Variants in CATSPERB observed in about 807,000 individuals in gnomAD.
The protein encoded by CATSPERB is catsper channel auxiliary subunit beta, also known as cation channel sperm-associated auxiliary subunit beta.
Under a neutral mutation model 128.3 loss-of-function variants are expected in CATSPERB, and 93 were observed. The ratio of observed to expected loss-of-function variants is 0.72; its 90% CI spans 0.61 to 0.86. The LOEUF (loss-of-function observed/expected upper bound fraction) is 0.86. Among genes scored for constraint, CATSPERB ranks in the 40% least tolerant of loss-of-function variants. CATSPERB has a pLI of 0.00. For synonymous variants in CATSPERB, 381 were observed against 448.8 expected (o/e 0.85, Z 1.91); for missense variants, 1,153 against 1,329.5 (o/e 0.87, Z 2.06).
intron 22 of CATSPERB, among the ~76,000 whole-genome samples, chr14:91,596,224 G>C (rs568678789): frequency 6.6e-6 from 1 of 151,080 alleles, no homozygotes; most frequent in East Asian, 1.9e-4. Flanking sequence ...TTTTTTTTGA[G>C]ACAGAGTCTT....
intron 15 of CATSPERB, among the ~76,000 whole-genome samples, chr14:91,647,414 C>A (rs1179070745): frequency 6.6e-6 from 1 of 152,200 alleles, no homozygotes; most frequent in East Asian, 1.9e-4. Flanking sequence ...ATTTGTAAAT[C>A]TCTTCAGGTC....
rs542181523 is a variant in CATSPERB at position 91,625,334 on chromosome 14, G to A, written c.1743-327C>T. Among the ~76,000 whole-genome samples, 13 of 152,146 alleles carry A rather than the reference G, an allele frequency of 8.5e-5. No homozygotes were observed. In the South Asian group the frequency reaches 1.9e-3, roughly 22 times the overall value. ...CAATTTGACATTATGCATTAGGAGC[G>A]TGCTAACCTTTTCCCTGCTCTGATT... On this transcript the variant is annotated intron_variant, in intron 17 of 26. Coordinates refer to ENST00000256343, the MANE Select transcript of CATSPERB (RefSeq NM_024764.4).
rs1251943754 is a variant in CATSPERB, at chr14:91,610,611, G to A, written c.2467C>T (p.Pro823Ser). The change falls in exon 21 of 27, where the codon CCA (proline) becomes TCA (serine). Residue 823 changes from proline to serine, a missense_variant. Coordinates refer to ENST00000256343, the MANE Select transcript of CATSPERB (RefSeq NM_024764.4). ...STECFVTTMV[P>S]TLKSSCSYLR... ...TAACTACAGCTGCTTTTCAGTGTTGGCACCATTGTCGTAACAAAGCACTCA... is the reference window on the plus strand; with the variant it reads ...TAACTACAGCTGCTTTTCAGTGTTGACACCATTGTCGTAACAAAGCACTCA... 4 of 1,614,052 alleles carry A rather than the reference G, an allele frequency of 2.5e-6. No homozygotes were observed.
intron 4 of CATSPERB, among the ~76,000 whole-genome samples, chr14:91,719,983 G>A (rs559842984): frequency 6.6e-6 from 1 of 152,158 alleles, no homozygotes; most frequent in Non-Finnish European, 1.5e-5. Flanking sequence ...AACTAGCAGT[G>A]CAAGCTAAAA....
chr14:91,656,305 A>G (rs1219511677), intron 15 of CATSPERB, among the ~76,000 whole-genome samples: 1 of 152,154 alleles, frequency 6.6e-6, no homozygotes, highest in Non-Finnish European at 1.5e-5. Flanking sequence ...CATGTTAATT[A>G]TGGTATGTAA....
chr14:91,638,304 A>C (rs2139804366), intron 16 of CATSPERB, among the ~76,000 whole-genome samples: 1 of 152,302 alleles, frequency 6.6e-6, no homozygotes, highest in South Asian at 2.1e-4. Flanking sequence ...GTCATCTGTA[A>C]AGAAGATAAC....
rs1352837691 is a variant in CATSPERB at position 91,580,793 on chromosome 14, A to G, written c.*96T>C. ...TGAATTATAATGACAATTCTTTAGG[A>G]TTTTATGTAGCTTGCATATTTAACA... On this transcript the variant is annotated 3_prime_UTR_variant, in exon 27 of 27. Coordinates refer to ENST00000256343, the MANE Select transcript of CATSPERB (RefSeq NM_024764.4). The G allele has an allele frequency of 2.2e-6, 2 of 920,982 alleles. No individual in the cohort carries two copies. The highest frequency in any genetic ancestry group is 3.4e-4 in the Middle Eastern group (1 of 2,962). 57.1% of individuals were successfully genotyped at this position (920,982 alleles called of 1,614,324 possible).
At chr14:91,624,362 C>A (rs1894113178) in intron 18 of CATSPERB, among the ~76,000 whole-genome samples, 1 of 152,170 alleles carries the variant, frequency 6.6e-6, no homozygotes, top group Non-Finnish European at 1.5e-5. Context: ...CATGCGCCTG[C>A]AATCCCAGCT....
At chr14:91,684,017 CTA>C in intron 10 of CATSPERB, 74 bp from the exon 11 acceptor site, 1 of 1,086,170 alleles carries the variant, frequency 9.2e-7, no homozygotes, top group African/African-American at 1.6e-5. Flanking sequence ...ATAGAAAAAA[CTA>C]AAAAATTTCA....
intron 14 of CATSPERB, among the ~76,000 whole-genome samples, chr14:91,661,126 T>C (rs1235672133): frequency 6.6e-6 from 1 of 152,156 alleles, no homozygotes; most frequent in East Asian, 1.9e-4. Context: ...TTTTCACTCT[T>C]GCTTTGGGCC....
chr14:91,624,965 C>A lies in CATSPERB; in HGVS notation c.1785G>T (p.Thr595=). ...RAYIRKVLQH[T]TPKGFLSSVI... Reference sequence around the variant, plus strand: ...CTGAGGACAAAAATCCTTTAGGAGTCGTATGTTGCAATACCTTTCTTATGT... The same window carrying A: ...CTGAGGACAAAAATCCTTTAGGAGTAGTATGTTGCAATACCTTTCTTATGT... Residue 595 remains threonine (T), a synonymous_variant, in exon 18 of 27, where the codon ACG becomes ACT. Coordinates refer to ENST00000256343, the MANE Select transcript of CATSPERB (RefSeq NM_024764.4). 6.2e-7 allele frequency: 1 copy of A among 1,607,590 alleles called. No homozygotes were observed. The highest frequency in any genetic ancestry group is 8.5e-7 in the Non-Finnish European group (1 of 1,178,298).
intron 10 of CATSPERB, among the ~76,000 whole-genome samples, chr14:91,684,993 C>T (rs1002360446): frequency 7.2e-5 from 11 of 151,970 alleles, no homozygotes; most frequent in South Asian, 2.1e-4. Flanking sequence ...GTGGCATGAT[C>T]GTAGCTCACT....
intron 20 of CATSPERB, among the ~76,000 whole-genome samples, chr14:91,612,269 A>G (rs186242412): frequency 1.3e-5 from 2 of 152,058 alleles, no homozygotes; most frequent in East Asian, 3.9e-4. Flanking sequence ...AATGTACAAT[A>G]CTCTATTATT....
rs373424166 is a variant in CATSPERB at position 91,687,296 on chromosome 14, T to C, written c.865-3353A>G. On this transcript the variant is annotated intron_variant, in intron 10 of 26. Coordinates refer to ENST00000256343, the MANE Select transcript of CATSPERB (RefSeq NM_024764.4). Reference sequence around the variant, plus strand: ...AGGTGTTGAAAATGCTCATTTCCCTTGCAACATGTCCTTTCTTGCTATAGG... The same window carrying C: ...AGGTGTTGAAAATGCTCATTTCCCTCGCAACATGTCCTTTCTTGCTATAGG... Among the ~76,000 whole-genome samples the C allele has an allele frequency of 8.5e-5, 13 of 152,306 alleles. No homozygotes were observed. The East Asian group carries it at 2.3e-3, about 27-fold the overall frequency.
chr14:91,614,045 T>G (rs184706609), intron 20 of CATSPERB, among the ~76,000 whole-genome samples: 2 of 152,292 alleles, frequency 1.3e-5, no homozygotes, highest in South Asian at 4.1e-4. Flanking sequence ...CTGAGTGTAT[T>G]GTTGCTTTAA....
At chr14:91,673,644 G>A (rs1895138655) in intron 12 of CATSPERB, among the ~76,000 whole-genome samples, 2 of 152,030 alleles carry the variant, frequency 1.3e-5, no homozygotes, top group African/African-American at 4.8e-5. Context: ...CAGCACTTTG[G>A]GAGGCCAAGG....
Position 91,640,872 on chromosome 14 carries a change from G to A in CATSPERB, c.1433-1622C>T, listed in dbSNP as rs574471017. 3.4e-4 allele frequency among the ~76,000 whole-genome samples: 51 copies of A among 151,134 alleles called. 1 individual carries two copies. In the East Asian group the frequency reaches 7.8e-3, roughly 23 times the overall value. On this transcript the variant is annotated intron_variant, in intron 15 of 26. Transcript: ENST00000256343. ...TTACAGTCCCACCAACAGTGTAAAA[G>A]TGTTCCTATTTCTCCACATCCTCTC...
intron 11 of CATSPERB, among the ~76,000 whole-genome samples, chr14:91,679,137 G>A (rs372840809): frequency 6.6e-6 from 1 of 152,152 alleles, no homozygotes; most frequent in South Asian, 2.1e-4. Flanking sequence ...AGATGTCTGG[G>A]TCATTTCCAA....
chr14:91,650,119 C>T (rs2139814101), intron 15 of CATSPERB, among the ~76,000 whole-genome samples: 1 of 152,230 alleles, frequency 6.6e-6, no homozygotes, highest in Non-Finnish European at 1.5e-5. Context: ...GGCACTGAAA[C>T]CATAGTGGTC....
Sources: gnomAD v4.1 joint callset for allele counts (sites outside exome capture counted in the v4.1 genomes callset) on GRCh38, gnomAD v4.1.1 for gene constraint, MANE v1.5 for transcripts, NCBI Gene and HGNC (gene_info 2026-07-23, HGNC 2026-07-21) for gene names.